The following CLIC4 variants were observed in gnomAD, a reference collection of about 807,000 sequenced individuals.
The protein encoded by CLIC4 is chloride intracellular channel protein 4.
A neutral mutation model predicts 24.6 loss-of-function variants in CLIC4; 13 were observed. The ratio of observed to expected loss-of-function variants is 0.53; its 90% CI spans 0.34 to 0.84. CLIC4 has a LOEUF of 0.84. Ranked by LOEUF, CLIC4 falls within the 40% of genes least tolerant of loss-of-function variation. The pLI is 0.01. For missense variants in CLIC4, 227 were observed against 301.7 expected (o/e 0.75, Z 1.83); for synonymous variants, 104 against 111.3 (o/e 0.93, Z 0.41).
At chr1:24,776,464 T>G (rs572427809) in intron 1 of CLIC4, among the ~76,000 whole-genome samples, 3 of 152,324 alleles carry the variant, frequency 2.0e-5, no homozygotes, top group African/African-American at 7.2e-5. Flanking sequence ...GCAGAGTTGA[T>G]CCTATAGGAG....
At chr1:24,793,331 T>C (rs1639362647) in intron 1 of CLIC4, 1 of 152,218 alleles carries the variant, frequency 6.6e-6, no homozygotes, top group South Asian at 2.1e-4. Flanking sequence ...TGTTATATAG[T>C]AGGATGAGTT....
At chr1:24,824,993 CT>C (rs1229847687) in intron 3 of CLIC4, among the ~76,000 whole-genome samples, 1 of 124,892 alleles carries the variant, frequency 8.0e-6, no homozygotes, top group Non-Finnish European at 1.6e-5. Flanking sequence ...GAGGGAGACC[CT>C]GTCACACACA....
chr1:24,792,191 A>T (rs777054317), intron 1 of CLIC4, among the ~76,000 whole-genome samples: 40 of 150,982 alleles, frequency 2.6e-4, no homozygotes, highest in Non-Finnish European at 4.7e-4. Flanking sequence ...TATATATATA[A>T]TATATATATT....
intron 3 of CLIC4, among the ~76,000 whole-genome samples, chr1:24,822,541 G>A (rs1456650709): frequency 2.0e-5 from 3 of 151,764 alleles, no homozygotes; most frequent in African/African-American, 7.3e-5. Context: ...TAGAGACGGG[G>A]TTTCACCATG....
chr1:24,835,809 A>G (rs1407533493), intron 4 of CLIC4, among the ~76,000 whole-genome samples: 2 of 152,248 alleles, frequency 1.3e-5, no homozygotes, highest in African/African-American at 4.8e-5. Context: ...GTAGGAGAGA[A>G]GAAAAGAACA....
intron 4 of CLIC4, among the ~76,000 whole-genome samples, chr1:24,829,089 T>C (rs192325634): frequency 1.3e-5 from 2 of 152,294 alleles, no homozygotes; most frequent in East Asian, 3.9e-4. Context: ...TGATTCTCCT[T>C]TTTATTTCCC....
chr1:24,759,758 C>T (rs1638896849), intron 1 of CLIC4, among the ~76,000 whole-genome samples: 1 of 152,142 alleles, frequency 6.6e-6, no homozygotes, highest in African/African-American at 2.4e-5. Flanking sequence ...AGACCAGCCT[C>T]TGCAACGTGG....
In CLIC4 at chr1:24,840,977, AAG is replaced by A. The variant is rs576642201; in HGVS notation, c.*42_*43del. On this transcript the variant is annotated 3_prime_UTR_variant, in exon 6 of 6. Coordinates refer to ENST00000374379, the MANE Select transcript of CLIC4 (RefSeq NM_013943.3). ...AAGAGATGTCTTCATGTCTTCCCCT[AAG>A]AATACGCTTTTCCTAACAGGCTACT... is the stretch of plus-strand genomic sequence containing the variant. The A allele has an allele frequency of 7.7e-5, 118 of 1,540,892 alleles. No homozygotes were observed. In the South Asian group the frequency reaches 1.4e-3, roughly 18 times the overall value.
chr1:24,817,223 A>G (rs146565172), intron 3 of CLIC4, among the ~76,000 whole-genome samples: 11 of 152,226 alleles, frequency 7.2e-5, no homozygotes, highest in Admixed American at 3.3e-4. Context: ...TTTTCTAGAT[A>G]GATCATCAGA....
chr1:24,812,841 C>T (rs1213560247), intron 2 of CLIC4, among the ~76,000 whole-genome samples: 1 of 151,886 alleles, frequency 6.6e-6, no homozygotes, highest in Non-Finnish European at 1.5e-5. Flanking sequence ...TCCTCAGCCT[C>T]CCAAGTAGCT....
At position 24,745,513 on chromosome 1, in the gene CLIC4, G is replaced by C. The variant is rs1023245186; in HGVS notation, c.-41G>C. ...TCCCGGAGCAGAAGCAGCAGCAGCA[G>C]CAGCAGCCCTCGCCGTTCGCGGAGC... On this transcript the variant is annotated 5_prime_UTR_variant, in exon 1 of 6. Coordinates refer to ENST00000374379, the MANE Select transcript of CLIC4 (RefSeq NM_013943.3). The C allele has an allele frequency of 1.6e-5, 25 of 1,542,202 alleles. No homozygotes were observed. The East Asian group carries it at 6.2e-4, about 38-fold the overall frequency.
At chr1:24,767,051 A>G (rs1460553455) in intron 1 of CLIC4, among the ~76,000 whole-genome samples, 7 of 150,850 alleles carry the variant, frequency 4.6e-5, no homozygotes, top group Non-Finnish European at 1.0e-4. Flanking sequence ...AAAAAAAAGA[A>G]AAAGAAAAGA....
At chr1:24,828,710 A>G (rs1639811919) in intron 4 of CLIC4, among the ~76,000 whole-genome samples, 1 of 151,958 alleles carries the variant, frequency 6.6e-6, no homozygotes, top group Admixed American at 6.6e-5. Flanking sequence ...TGGGGCGGGA[A>G]TAAAAAGGTT....
At chr1:24,811,069 ACT>A (rs1639609399) in intron 2 of CLIC4, among the ~76,000 whole-genome samples, 1 of 105,806 alleles carries the variant, frequency 9.5e-6, no homozygotes, top group Non-Finnish European at 1.9e-5. Flanking sequence ...ACAGAGTGAG[ACT>A]CTGTCTCAGG....
At position 24,793,911 on chromosome 1, in the gene CLIC4, A is replaced by G. The variant is rs565261263; in HGVS notation, c.73-3831A>G. ...TGAATTTTTTGAGAGTTACTTTAGGATAATGAACAGTACTTTTACCAGCAT... is the reference window on the plus strand; with the variant it reads ...TGAATTTTTTGAGAGTTACTTTAGGGTAATGAACAGTACTTTTACCAGCAT... On this transcript the variant is annotated intron_variant, in intron 1 of 5. Coordinates refer to ENST00000374379, the MANE Select transcript of CLIC4 (RefSeq NM_013943.3). Among the ~76,000 whole-genome samples, 65 of 152,312 alleles carry G rather than the reference A, an allele frequency of 4.3e-4. No individual in the cohort carries two copies. The South Asian group carries it at 0.013, about 32-fold the overall frequency.
intron 1 of CLIC4, among the ~76,000 whole-genome samples, chr1:24,755,071 C>T (rs1028734297): frequency 8.9e-6 from 1 of 112,806 alleles, no homozygotes; most frequent in African/African-American, 3.5e-5. Context: ...GACTCCGTCT[C>T]AAAAAAAAAA....
At chr1:24,823,347 A>G (rs1230434935) in intron 3 of CLIC4, among the ~76,000 whole-genome samples, 1 of 152,166 alleles carries the variant, frequency 6.6e-6, no homozygotes, top group Non-Finnish European at 1.5e-5. Flanking sequence ...TTGCTAAAAA[A>G]CTTTGAGACT....
At chr1:24,831,411 T>G (rs755610915) in intron 4 of CLIC4, among the ~76,000 whole-genome samples, 1 of 152,136 alleles carries the variant, frequency 6.6e-6, no homozygotes, top group African/African-American at 2.4e-5. Context: ...TATTTGATTT[T>G]TATATATATA....
Position 24,798,501 on chromosome 1 carries a change from T to C in CLIC4, c.182+650T>C, listed in dbSNP as rs1284419802. On this transcript the variant is annotated intron_variant, in intron 2 of 5. Coordinates refer to ENST00000374379, the MANE Select transcript of CLIC4 (RefSeq NM_013943.3). ...TGGAGAGGGCTGAGAAGAGCCGTGA[T>C]GAGTAGAAAGCTCTGTTTTATTCAG... Among the ~76,000 whole-genome samples, 5 of 152,318 alleles carry C rather than the reference T, an allele frequency of 3.3e-5. No individual in the cohort carries two copies. The East Asian group carries it at 7.7e-4, about 24-fold the overall frequency.
Sources: gnomAD v4.1 joint callset for allele counts (sites outside exome capture counted in the v4.1 genomes callset) on GRCh38, gnomAD v4.1.1 for gene constraint, MANE v1.5 for transcripts, NCBI Gene and HGNC (gene_info 2026-07-23, HGNC 2026-07-21) for gene names.